Variants in ASTN2 observed in about 807,000 individuals in gnomAD.
ASTN2 encodes astrotactin 2.
In ASTN2, 54 loss-of-function variants were observed where a neutral mutation model predicts 139.8. The ratio of observed to expected loss-of-function variants is 0.39; its 90% confidence interval spans 0.31 to 0.48. The LOEUF is 0.48. ASTN2 is among the 20% of genes least tolerant of loss of function. The pLI is 0.95. For missense variants in ASTN2, 1,565 were observed against 1,725.1 expected (o/e 0.91, Z 1.64); for synonymous variants, 756 against 719.5 (o/e 1.05, Z -0.81).
intron 10 of ASTN2, among the ~76,000 whole-genome samples, chr9:116,867,956 C>A (rs946822231): frequency 6.6e-6 from 1 of 152,158 alleles, no homozygotes; most frequent in East Asian, 1.9e-4. Flanking sequence ...ATCTCACTTG[C>A]GGAGCCCAGG....
chr9:116,788,918 A>C (rs991573734), intron 13 of ASTN2, among the ~76,000 whole-genome samples: 3 of 152,190 alleles, frequency 2.0e-5, no homozygotes, highest in African/African-American at 7.2e-5. Context: ...CTGTCACATA[A>C]TAAGCTCTTG....
At chr9:116,574,272 A>G (rs1031759523) in intron 19 of ASTN2, among the ~76,000 whole-genome samples, 1 of 152,254 alleles carries the variant, frequency 6.6e-6, no homozygotes, top group South Asian at 2.1e-4. Context: ...TACAAAACAG[A>G]CAGCCAGCCC....
chr9:117,222,039 G>A (rs1051058477), intron 2 of ASTN2, among the ~76,000 whole-genome samples: 11 of 152,066 alleles, frequency 7.2e-5, no homozygotes, highest in African/African-American at 2.4e-4. Flanking sequence ...TCTACTCTAT[G>A]ACTGTCCTAT....
chr9:116,805,232 G>A (rs556179321), intron 13 of ASTN2, among the ~76,000 whole-genome samples: 2 of 152,040 alleles, frequency 1.3e-5, no homozygotes, highest in Non-Finnish European at 2.9e-5. Context: ...ATTTCTGGGT[G>A]ATGCGATTTT....
intron 16 of ASTN2, among the ~76,000 whole-genome samples, chr9:116,688,297 G>A (rs1484960819): frequency 6.6e-6 from 1 of 152,044 alleles, no homozygotes; most frequent in Non-Finnish European, 1.5e-5. Context: ...TGAATCGTGG[G>A]GTGGAGATGT....
Position 117,414,007 on chromosome 9 carries a change from G to A in ASTN2, c.442+490C>T, listed in dbSNP as rs1209784314. On this transcript the variant is annotated intron_variant, in intron 1 of 22. Transcript: ENST00000313400. The surrounding 1 kb of genome is among the most constrained non-coding windows in gnomAD (Gnocchi z 4.2). Reference sequence around the variant, plus strand: ...TTTTGCGGGTTGAGCGATTCCACACGGAACTACTCCATTCCTACTCTCATG... The same window carrying A: ...TTTTGCGGGTTGAGCGATTCCACACAGAACTACTCCATTCCTACTCTCATG... Among the ~76,000 whole-genome samples, 2 of 152,166 alleles carry A rather than the reference G, an allele frequency of 1.3e-5. No homozygotes were observed. Among genetic ancestry groups the A allele is most frequent in the South Asian group, 2.1e-4 (1 of 4,834 alleles).
At chr9:116,836,604 T>C (rs1366855541) in intron 11 of ASTN2, among the ~76,000 whole-genome samples, 2 of 152,192 alleles carry the variant, frequency 1.3e-5, no homozygotes, top group Admixed American at 1.3e-4. Context: ...TTGTTTTGTT[T>C]TGTTTTCCTT....
intron 3 of ASTN2, among the ~76,000 whole-genome samples, chr9:117,183,285 G>T (rs777796301): frequency 6.6e-6 from 1 of 152,196 alleles, no homozygotes; most frequent in Non-Finnish European, 1.5e-5. Flanking sequence ...TTTGGTAAAT[G>T]AATGAATGAA....
intron 12 of ASTN2, among the ~76,000 whole-genome samples, chr9:116,819,636 C>T (rs1030458691): frequency 1.3e-5 from 2 of 152,186 alleles, no homozygotes; most frequent in Non-Finnish European, 2.9e-5. Context: ...GTTACATGTC[C>T]TGTTCTGCTT....
chr9:117,025,126 G>A (rs1365911684), intron 6 of ASTN2, among the ~76,000 whole-genome samples: 1 of 152,092 alleles, frequency 6.6e-6, no homozygotes, highest in Non-Finnish European at 1.5e-5. Context: ...AATACAAGCG[G>A]CAAAGGGATT....
In ASTN2 at chr9:117,291,372, G is replaced by A. The variant is rs747198436; in HGVS notation, c.584C>T (p.Ser195Leu). ...GTGCATCTGCTCCTCAACAATCTCC[G>A]AGGGCTCCTGGAGAGTGGGGGCGGT... The part of the protein sequence containing the change: ...QATAPTLQEP[S>L]EIVEEQMHIL... Residue 195 changes from serine (S) to leucine (L), a missense_variant, in exon 2 of 23, where the codon TCG (serine) becomes TTG (leucine). Physicochemically the swap from Ser to Leu is moderately radical, Grantham distance 145. Around this residue, in one of 4 missense-constraint regions of ASTN2, gnomAD observed 596 missense variants for 576.8 expected, o/e 1.03. Transcript: ENST00000313400. 11 of 1,613,976 alleles carry A rather than the reference G, an allele frequency of 6.8e-6. No homozygotes were observed. The highest frequency in any genetic ancestry group is 5.0e-5 in the Admixed American group (3 of 60,014).
At chr9:117,040,216 T>C (rs889171690) in intron 5 of ASTN2, among the ~76,000 whole-genome samples, 6 of 152,224 alleles carry the variant, frequency 3.9e-5, no homozygotes, top group Non-Finnish European at 7.3e-5. Context: ...ACAGGCTTTC[T>C]GAAACTCATG....
At chr9:116,749,305 C>G (rs1829336287) in intron 13 of ASTN2, among the ~76,000 whole-genome samples, 1 of 152,176 alleles carries the variant, frequency 6.6e-6, no homozygotes, top group Non-Finnish European at 1.5e-5. Context: ...AAGAAGGATG[C>G]AAATGGACCT....
chr9:116,958,606 A>AAACAAAC (rs1216839410), intron 10 of ASTN2, among the ~76,000 whole-genome samples: 26 of 152,010 alleles, frequency 1.7e-4, no homozygotes, highest in South Asian at 6.2e-4. Context: ...AACAAACAAA[A>AAACAAAC]AAAAGAGCCG....
At chr9:117,378,468 A>G (rs1332843736) in intron 1 of ASTN2, among the ~76,000 whole-genome samples, 3 of 152,150 alleles carry the variant, frequency 2.0e-5, no homozygotes, top group Non-Finnish European at 4.4e-5. Flanking sequence ...GCTTTTCCAC[A>G]CTGAGCCTTT....
chr9:116,854,485 T>C (rs1832686966), intron 11 of ASTN2, among the ~76,000 whole-genome samples: 1 of 152,146 alleles, frequency 6.6e-6, no homozygotes, highest in African/African-American at 2.4e-5. Flanking sequence ...GTTTCTCTGA[T>C]GCTAAAAACT....
chr9:116,468,419 C>A (rs1436632129), intron 20 of ASTN2, among the ~76,000 whole-genome samples: 1 of 152,190 alleles, frequency 6.6e-6, no homozygotes, highest in African/African-American at 2.4e-5. Flanking sequence ...ACCTAAGAGG[C>A]AAGGAATTGG....
chr9:116,588,034 C>T (rs1413488208), intron 19 of ASTN2, among the ~76,000 whole-genome samples: 1 of 152,098 alleles, frequency 6.6e-6, no homozygotes, highest in Non-Finnish European at 1.5e-5. Flanking sequence ...GGGAAATTGG[C>T]CAGACTTCTC....
At chr9:117,368,295 A>G (rs1459728374) in intron 1 of ASTN2, among the ~76,000 whole-genome samples, 1 of 151,964 alleles carries the variant, frequency 6.6e-6, no homozygotes, top group African/African-American at 2.4e-5. Context: ...ATGTGCATGC[A>G]CACACACACA....
Sources: allele counts gnomAD v4.1 joint callset (sites outside exome capture counted in the v4.1 genomes callset), GRCh38; gene constraint gnomAD v4.1.1; regional missense constraint gnomAD v4.1.1; non-coding constraint Gnocchi (gnomAD v3.1); transcripts MANE v1.5; gene names NCBI Gene and HGNC (gene_info 2026-07-23, HGNC 2026-07-21).